CWH43: variants seen among roughly 807,000 people sequenced by gnomAD.
CWH43 encodes cell wall biogenesis 43 C-terminal homolog, also known as PGAP2-interacting protein.
Under a neutral mutation model 85.7 loss-of-function variants are expected in CWH43, and 91 were observed. The observed-to-expected ratio is 1.06, with a 90% confidence interval of 0.90 to 1.26. The LOEUF (loss-of-function observed/expected upper bound fraction) is 1.26, where lower values mean the gene tolerates loss of function less well. Among genes scored for constraint, CWH43 ranks in the 50% most tolerant of loss-of-function variants. The pLI is 0.00. For synonymous variants in CWH43, 323 were observed against 293.6 expected (o/e 1.10, Z -1.02); for missense variants, 869 against 839.2 (o/e 1.04, Z -0.44).
chr4:49,019,384 G>A (rs563845312), intron 9 of CWH43, among the ~76,000 whole-genome samples: 7 of 152,176 alleles, frequency 4.6e-5, no homozygotes, highest in Admixed American at 1.3e-4. Context: ...AAAGGACTGA[G>A]GGAGAACGAC....
intron 15 of CWH43, among the ~76,000 whole-genome samples, chr4:49,058,687 G>A (rs1785044975): frequency 6.6e-6 from 1 of 151,938 alleles, no homozygotes; most frequent in African/African-American, 2.4e-5. Flanking sequence ...TGTCTCTTTG[G>A]GAAAGTCCTT....
chr4:49,060,966 T>C (rs1785139869), intron 15 of CWH43, among the ~76,000 whole-genome samples: 1 of 152,224 alleles, frequency 6.6e-6, no homozygotes, highest in Non-Finnish European at 1.5e-5. Flanking sequence ...AAATAGTATA[T>C]TATGAACTTC....
At chr4:49,040,913 T>C (rs549690734) in intron 13 of CWH43, among the ~76,000 whole-genome samples, 84 of 152,364 alleles carry the variant, frequency 5.5e-4, no homozygotes, top group African/African-American at 1.7e-3. Flanking sequence ...CTTGAATTAA[T>C]TTTTGTATAA....
intron 15 of CWH43, among the ~76,000 whole-genome samples, chr4:49,056,660 A>AT (rs1234904006): frequency 3.3e-5 from 5 of 150,498 alleles, no homozygotes; most frequent in East Asian, 3.9e-4. Context: ...CTATTTCATT[A>AT]TTTTTTTCTC....
intron 1 of CWH43, among the ~76,000 whole-genome samples, chr4:48,987,008 T>A (rs1334973577): frequency 5.2e-4 from 79 of 152,346 alleles, no homozygotes; most frequent in Non-Finnish European, 1.0e-4. Context: ...GAGTCTCATC[T>A]GCTCTCTCAC....
At chr4:49,043,900 T>A (rs747746732) in intron 13 of CWH43, among the ~76,000 whole-genome samples, 1 of 151,996 alleles carries the variant, frequency 6.6e-6, no homozygotes, top group Admixed American at 6.6e-5. Context: ...GTGTGTATTA[T>A]AAACAACAAT....
intron 15 of CWH43, among the ~76,000 whole-genome samples, chr4:49,054,146 C>T (rs1784882499): frequency 1.3e-5 from 2 of 151,978 alleles, no homozygotes; most frequent in South Asian, 4.2e-4. Flanking sequence ...CAGTTTCAAG[C>T]CCAAAAATCT....
Position 48,989,556 on chromosome 4 carries a change from T to C in CWH43, c.235+888T>C, listed in dbSNP as rs78297915. ...CCATCGCACAACACAGTCAGAGCAG[T>C]GAGTTCTGTGGATCCCCACAAAGGT... On this transcript the variant is annotated intron_variant, in intron 2 of 15. Transcript: ENST00000226432. Among the ~76,000 whole-genome samples, 926 of 152,348 alleles carry C rather than the reference T, an allele frequency of 6.1e-3. 9 individuals carry two copies. The highest frequency in any genetic ancestry group is 0.048 in the East Asian group (247 of 5,184).
chr4:49,033,248 C>T (rs1784159136), intron 12 of CWH43, among the ~76,000 whole-genome samples: 1 of 152,226 alleles, frequency 6.6e-6, no homozygotes, highest in Admixed American at 6.5e-5. Flanking sequence ...GACATCTCTT[C>T]TCTCCCTCAT....
chr4:49,021,051 T>G (rs1348821188), intron 9 of CWH43, among the ~76,000 whole-genome samples: 3 of 152,238 alleles, frequency 2.0e-5, no homozygotes, highest in Admixed American at 6.5e-5. Flanking sequence ...CAGAAGTTTT[T>G]AGTTTAATTA....
intron 6 of CWH43, among the ~76,000 whole-genome samples, chr4:48,999,597 T>G (rs1472085993): frequency 6.6e-6 from 1 of 152,246 alleles, no homozygotes; most frequent in African/African-American, 2.4e-5. Flanking sequence ...CCTCACCTGA[T>G]GGATACAGTG....
intron 1 of CWH43, 137 bp from the exon 2 acceptor site, chr4:48,988,340 G>GAAAAA: frequency 3.9e-6 from 2 of 509,032 alleles, no homozygotes; most frequent in Non-Finnish European, 6.6e-6. Context: ...TGTCAGTGGA[G>GAAAAA]ACAACTGGAA....
At chr4:49,013,109 T>C (rs1193353188) in intron 8 of CWH43, among the ~76,000 whole-genome samples, 1 of 152,216 alleles carries the variant, frequency 6.6e-6, no homozygotes, top group African/African-American at 2.4e-5. Context: ...ATGGAGTCCA[T>C]AGAGGCAGTA....
chr4:49,042,920 G>C (rs150922070), intron 13 of CWH43, among the ~76,000 whole-genome samples: 1 of 152,180 alleles, frequency 6.6e-6, no homozygotes, highest in Non-Finnish European at 1.5e-5. Flanking sequence ...GGTTGACTGG[G>C]TGGATTTCTG....
At chr4:49,047,564 G>A (rs541759841) in intron 14 of CWH43, among the ~76,000 whole-genome samples, 2 of 152,264 alleles carry the variant, frequency 1.3e-5, no homozygotes, top group South Asian at 2.1e-4. Flanking sequence ...GAGCCATTTG[G>A]CCACCTGGCA....
chr4:49,040,503 G>A (rs1309288444), intron 13 of CWH43, among the ~76,000 whole-genome samples: 1 of 151,896 alleles, frequency 6.6e-6, no homozygotes, highest in Non-Finnish European at 1.5e-5. Context: ...CCAGTGATGA[G>A]CATTTTTTCA....
chr4:49,024,178 G>A (rs751243021), intron 9 of CWH43, among the ~76,000 whole-genome samples: 4 of 152,030 alleles, frequency 2.6e-5, no homozygotes, highest in Non-Finnish European at 4.4e-5. Context: ...GCTCACTTTT[G>A]GTGTCCATTT....
chr4:49,044,889 T>A (rs768839604), intron 14 of CWH43, 42 bp downstream of exon 14: 1 of 1,513,042 alleles, frequency 6.6e-7, no homozygotes, highest in Middle Eastern at 1.7e-4. Flanking sequence ...CTATTATTAA[T>A]GTGATCTTTT....
chr4:49,056,636 T>A (rs1326446371), intron 15 of CWH43, among the ~76,000 whole-genome samples: 5 of 152,044 alleles, frequency 3.3e-5, no homozygotes, highest in Admixed American at 2.6e-4. Context: ...TATTTTTTTT[T>A]ATTTTTCTAT....
Sources: allele counts gnomAD v4.1 joint callset (sites outside exome capture counted in the v4.1 genomes callset), GRCh38; gene constraint gnomAD v4.1.1; transcripts MANE v1.5; gene names NCBI Gene and HGNC (gene_info 2026-07-23, HGNC 2026-07-21).